Variants in CACNA1E observed in about 807,000 individuals in gnomAD.
CACNA1E encodes the protein calcium voltage-gated channel subunit alpha1 E, also known as voltage-dependent R-type calcium channel subunit alpha-1E.
In CACNA1E, 40 loss-of-function variants were observed where a neutral mutation model predicts 259.2. The ratio of observed to expected loss-of-function variants is 0.15; its 90% confidence interval spans 0.12 to 0.20. CACNA1E has a LOEUF of 0.20. Ranked by LOEUF, CACNA1E falls within the 10% of genes least tolerant of loss-of-function variation. The pLI, the probability that CACNA1E is intolerant of heterozygous loss-of-function variation, is 1.00. For synonymous variants in CACNA1E, 1,104 were observed against 1,138.5 expected (o/e 0.97, Z 0.61); for missense variants, 1,874 against 3,040.1 (o/e 0.62, Z 9.02).
chr1:181,723,342 T>A (rs1212579508), intron 16 of CACNA1E, among the ~76,000 whole-genome samples: 1 of 152,200 alleles, frequency 6.6e-6, no homozygotes, highest in East Asian at 1.9e-4. Flanking sequence ...AGTGATTCTC[T>A]TAGTTGTTAT....
intron 27 of CACNA1E, 25 bp from the exon 28 acceptor site, chr1:181,755,212 G>T: frequency 1.2e-6 from 2 of 1,605,554 alleles, no homozygotes; most frequent in Non-Finnish European, 1.7e-6. Context: ...GGTTCACACA[G>T]CAGGGCTGTT....
At chr1:181,677,445 T>C (rs1649491387) in intron 7 of CACNA1E, among the ~76,000 whole-genome samples, 1 of 152,188 alleles carries the variant, frequency 6.6e-6, no homozygotes, top group African/African-American at 2.4e-5. Flanking sequence ...GTGATTTTTG[T>C]CACCTTCAAG....
intron 3 of CACNA1E, among the ~76,000 whole-genome samples, chr1:181,561,398 A>G (rs1649313982): frequency 1.3e-5 from 2 of 152,200 alleles, no homozygotes; most frequent in Admixed American, 1.3e-4. Context: ...ACCATAATCA[A>G]GATATAGAAT....
At chr1:181,374,346 G>A (rs1654937214) in intron 1 of CACNA1E, among the ~76,000 whole-genome samples, 1 of 147,892 alleles carries the variant, frequency 6.8e-6, no homozygotes, top group African/African-American at 2.5e-5. Context: ...TTCTATTTTT[G>A]TTGCACTGTT....
At chr1:181,432,552 A>G (rs1033901773) in intron 2 of CACNA1E, among the ~76,000 whole-genome samples, 2 of 152,242 alleles carry the variant, frequency 1.3e-5, no homozygotes, top group African/African-American at 4.8e-5. Context: ...AAGTGTACAG[A>G]ACATCAGATA....
rs1662120525 is a variant in CACNA1E at position 181,799,580 on chromosome 1, T to A, written c.*746T>A. 1 of 152,510 alleles carries A rather than the reference T, an allele frequency of 6.6e-6. No individual in the cohort carries two copies. The highest frequency in any genetic ancestry group is 2.1e-4 in the South Asian group (1 of 4,822). 9.4% of individuals were successfully genotyped at this position (152,510 alleles called of 1,614,324 possible). A position where few individuals can be genotyped will look rare whatever the true frequency, so the allele number is the denominator to read the frequency against. ...TGAGGCCTGTCACCCACACAGTAGG[T>A]GCTGAGAGTTAGGACAGGTCAGGAA... On this transcript the variant is annotated 3_prime_UTR_variant, in exon 48 of 48. Coordinates refer to ENST00000367573, the MANE Select transcript of CACNA1E (RefSeq NM_001205293.3).
At chr1:181,448,918 T>C (rs2102326824) in intron 2 of CACNA1E, among the ~76,000 whole-genome samples, 1 of 152,338 alleles carries the variant, frequency 6.6e-6, no homozygotes, top group Admixed American at 6.5e-5. Context: ...TTTGGTCAAT[T>C]CAAGCTGCCC....
chr1:181,738,531 CA>C, intron 24 of CACNA1E, 105 bp downstream of exon 24: 2 of 881,872 alleles, frequency 2.3e-6, no homozygotes, highest in Non-Finnish European at 3.8e-6. Context: ...CAGCCAATGG[CA>C]GCCCTCAGTA....
chr1:181,341,511 G>C (rs75647708), intron 1 of CACNA1E, among the ~76,000 whole-genome samples: 1,987 of 152,252 alleles, frequency 0.013, 55 homozygotes, highest in African/African-American at 0.046. Flanking sequence ...GGTTGGCTGT[G>C]CTCTGAAGAG....
At chr1:181,737,793 G>A (rs1231634622) in intron 23 of CACNA1E, 139 bp downstream of exon 23, 1 of 1,176,062 alleles carries the variant, frequency 8.5e-7, no homozygotes, top group Non-Finnish European at 1.2e-6. Flanking sequence ...CTGTTCCTCA[G>A]GGCGAAGTAT....
chr1:181,532,132 G>T (rs890105017), intron 3 of CACNA1E, among the ~76,000 whole-genome samples: 3 of 152,182 alleles, frequency 2.0e-5, no homozygotes, highest in Non-Finnish European at 2.9e-5. Context: ...GAGGAGGCTG[G>T]TGTGTTTCTC....
chr1:181,798,366 G>A lies in CACNA1E; in HGVS notation c.6474G>A (p.Gln2158=). ...DTSTPRRSRR[Q]LPPVPPKPRP... ...GCACCCCAAGAAGAAGTCGTCGGCAGCTCCCACCCGTCCCGCCAAAGCCCC... is the reference window on the plus strand; with the variant it reads ...GCACCCCAAGAAGAAGTCGTCGGCAACTCCCACCCGTCCCGCCAAAGCCCC... Residue 2158 remains glutamine (Q), a synonymous_variant, in exon 48 of 48, where the codon CAG becomes CAA. Coordinates refer to ENST00000367573, the MANE Select transcript of CACNA1E (RefSeq NM_001205293.3). The surrounding 1 kb of genome is among the most constrained non-coding windows in gnomAD (Gnocchi z 4.2). 1 of 1,612,264 alleles carries A rather than the reference G, an allele frequency of 6.2e-7. No individual in the cohort carries two copies. The highest frequency in any genetic ancestry group is 8.5e-7 in the Non-Finnish European group (1 of 1,179,774).
chr1:181,605,997 T>G (rs1290937483), intron 6 of CACNA1E, among the ~76,000 whole-genome samples: 2 of 152,120 alleles, frequency 1.3e-5, no homozygotes, highest in African/African-American at 4.8e-5. Flanking sequence ...CACGGTTGCT[T>G]TCTCTCTCTT....
chr1:181,559,019 G>A (rs549320153), intron 3 of CACNA1E, among the ~76,000 whole-genome samples: 1 of 152,016 alleles, frequency 6.6e-6, no homozygotes, highest in Non-Finnish European at 1.5e-5. Context: ...GACCAAGAGA[G>A]CTCCAAATTG....
intron 2 of CACNA1E, among the ~76,000 whole-genome samples, chr1:181,429,493 G>T (rs775390042): frequency 6.6e-6 from 1 of 152,160 alleles, no homozygotes; most frequent in African/African-American, 2.4e-5. Context: ...TGTCTCAGGC[G>T]CCTCTCAAGA....
chr1:181,624,705 A>G (rs960964129), intron 6 of CACNA1E, among the ~76,000 whole-genome samples: 1 of 152,282 alleles, frequency 6.6e-6, no homozygotes, highest in Non-Finnish European at 1.5e-5. Flanking sequence ...AAAGTCATTC[A>G]TGAGGGTTGG....
At chr1:181,426,929 T>A (rs1659311639) in intron 2 of CACNA1E, among the ~76,000 whole-genome samples, 2 of 112,936 alleles carry the variant, frequency 1.8e-5, no homozygotes, top group Non-Finnish European at 1.8e-5. Flanking sequence ...CCTTCACAGC[T>A]CAACCGCTGC....
chr1:181,662,664 TTAG>T (rs983300031), intron 7 of CACNA1E, among the ~76,000 whole-genome samples: 1 of 152,206 alleles, frequency 6.6e-6, no homozygotes, highest in African/African-American at 2.4e-5. Flanking sequence ...ATGTTAGCTG[TTAG>T]TAGCAGATTT....
intron 2 of CACNA1E, among the ~76,000 whole-genome samples, chr1:181,448,966 T>A (rs73050032): frequency 0.019 from 2,939 of 152,196 alleles, 105 homozygotes; most frequent in African/African-American, 0.065. Context: ...CGGCCTGGAG[T>A]GGCTGTGCCA....
Sources: gnomAD v4.1 joint callset for allele counts (sites outside exome capture counted in the v4.1 genomes callset) on GRCh38, gnomAD v4.1.1 for gene constraint, Gnocchi (gnomAD v3.1) non-coding constraint, MANE v1.5 for transcripts, NCBI Gene and HGNC (gene_info 2026-07-23, HGNC 2026-07-21) for gene names.